CCNA2: variants seen among roughly 807,000 people sequenced by gnomAD.
CCNA2 encodes the protein cyclin-A2.
In CCNA2, 3 loss-of-function variants were observed where a neutral mutation model predicts 49.4. The observed-to-expected ratio is 0.06, with a 90% CI of 0.03 to 0.16. The LOEUF (loss-of-function observed/expected upper bound fraction) is 0.16, where lower values mean the gene tolerates loss of function less well. CCNA2 is among the 10% of genes least tolerant of loss of function. The probability of loss-of-function intolerance (pLI) is 1.00; values close to 1 mark genes in which losing one functional copy is unlikely to be tolerated. For synonymous variants in CCNA2, 206 were observed against 197.2 expected (o/e 1.04, Z -0.37); for missense variants, 372 against 519.7 (o/e 0.72, Z 2.76).
chr4:121,821,096 G>A lies in CCNA2; in HGVS notation c.458-5C>T, dbSNP rs762548324. On this transcript the variant is annotated splice_region_variant and splice_polypyrimidine_tract_variant and intron_variant, in intron 2 of 7. Transcript: ENST00000274026. ...TGTCCATAGTATGTGGTGACTCTGG[G>A]ACAATTCAAAAGATATGATTAAATT... The A allele has an allele frequency of 6.2e-7, 1 of 1,606,780 alleles. No homozygotes were observed. The highest frequency in any genetic ancestry group is 8.5e-7 in the Non-Finnish European group (1 of 1,177,210).
In CCNA2 at chr4:121,817,641, C is replaced by A; in HGVS notation, c.1296G>T (p.Leu432=). The A allele has an allele frequency of 6.2e-7, 1 of 1,613,500 alleles. No individual in the cohort carries two copies. Among genetic ancestry groups the A allele is most frequent in the South Asian group, 1.1e-5 (1 of 91,052 alleles). ...SLLNPPETLN[L] ...AAACAAAGGCAGTCTTTCATTGTTA[C>A]AGATTTAGTGTCTCTGGTGGGTTGA... Residue 432 remains leucine (L), a synonymous_variant, in exon 8 of 8, where the codon CTG becomes CTT. Coordinates refer to ENST00000274026, the MANE Select transcript of CCNA2 (RefSeq NM_001237.5).
At position 121,817,495 on chromosome 4, in the gene CCNA2, A is replaced by T. The variant is rs1724569502; in HGVS notation, c.*143T>A. The T allele has an allele frequency of 5.5e-6, 5 of 916,188 alleles. No homozygotes were observed. The South Asian group carries it at 9.7e-5, about 18-fold the overall frequency. 56.8% of individuals were successfully genotyped at this position (916,188 alleles called of 1,614,324 possible). A position where few individuals can be genotyped will look rare whatever the true frequency, so the allele number is the denominator to read the frequency against. Reference sequence around the variant, plus strand: ...AAAGATATACAAATTAAAACCATTTAAAAAGTAATAGATACCATAATTTGT... The same window carrying T: ...AAAGATATACAAATTAAAACCATTTTAAAAGTAATAGATACCATAATTTGT... On this transcript the variant is annotated 3_prime_UTR_variant, in exon 8 of 8. Coordinates refer to ENST00000274026, the MANE Select transcript of CCNA2 (RefSeq NM_001237.5).
Position 121,816,663 on chromosome 4 carries a change from C to A in CCNA2, c.*975G>T. The A allele has an allele frequency of 8.8e-7, 1 of 1,136,994 alleles. No homozygotes were observed. The highest frequency in any genetic ancestry group is 1.2e-6 in the Non-Finnish European group (1 of 825,400). 70.4% of individuals were successfully genotyped at this position (1,136,994 alleles called of 1,614,324 possible). A position where few individuals can be genotyped will look rare whatever the true frequency, so the allele number is the denominator to read the frequency against. On this transcript the variant is annotated 3_prime_UTR_variant, in exon 8 of 8. Transcript: ENST00000274026. ...AAACTTCTTGGATGCCAGTCTTACTCATAGCTGACACATTTTAGATCCTAC... is the reference window on the plus strand; with the variant it reads ...AAACTTCTTGGATGCCAGTCTTACTAATAGCTGACACATTTTAGATCCTAC...
intron 2 of CCNA2, among the ~76,000 whole-genome samples, chr4:121,822,090 A>T (rs1724703847): frequency 6.6e-6 from 1 of 152,226 alleles, no homozygotes; most frequent in Non-Finnish European, 1.5e-5. Flanking sequence ...AATAAAACTG[A>T]AATCTATTCT....
chr4:121,817,679 CATG>C lies in CCNA2; in HGVS notation c.1255_1257del (p.His419del), dbSNP rs1250836295. The stretch of plus-strand genomic sequence containing the variant: ...TCTGGTGGGTTGAGGAGAGAAACAC[CATG>C]ATACCTGTAAGTAGGGAAAAAAAAA... On this transcript the variant is annotated inframe_deletion, in exon 8 of 8. Coordinates refer to ENST00000274026, the MANE Select transcript of CCNA2 (RefSeq NM_001237.5). 1 of 1,613,410 alleles carries C rather than the reference CATG, an allele frequency of 6.2e-7. No individual in the cohort carries two copies. Among genetic ancestry groups the C allele is most frequent in the Non-Finnish European group, 8.5e-7 (1 of 1,179,820 alleles).
chr4:121,818,891 A>G lies in CCNA2; in HGVS notation c.1025T>C (p.Ile342Thr), dbSNP rs376488849. 1.4e-5 allele frequency: 22 copies of G among 1,610,846 alleles called. No individual in the cohort carries two copies. The highest frequency in any genetic ancestry group is 1.1e-5 in the South Asian group (1 of 91,030). Residue 342 changes from isoleucine (I) to threonine (T), a missense_variant, in exon 6 of 8, where the codon ATA becomes ACA. By Grantham distance (89) the Ile-to-Thr change is moderately conservative. This residue lies in a region of CCNA2 where 155 missense variants were observed against 288.1 expected (regional missense o/e 0.54). Transcript: ENST00000274026. ...LAMFLGELSL[I>T]DADPYLKYLP... Reference sequence around the variant, plus strand: ...ATACTTGAGGTATGGGTCAGCATCTATCAAACTTAATTCTCCCAAAAACTG... The same window carrying G: ...ATACTTGAGGTATGGGTCAGCATCTGTCAAACTTAATTCTCCCAAAAACTG...
chr4:121,817,787 T>C, intron 7 of CCNA2, 101 bp from the exon 8 acceptor site: 1 of 1,500,218 alleles, frequency 6.7e-7, no homozygotes, highest in African/African-American at 1.4e-5. Flanking sequence ...TAAAAAATGC[T>C]ATTTCTGTCT....
At position 121,816,946 on chromosome 4, in the gene CCNA2, A is replaced by G; in HGVS notation, c.*692T>C. The G allele has an allele frequency of 8.1e-7, 1 of 1,231,872 alleles. No individual in the cohort carries two copies. Among genetic ancestry groups the G allele is most frequent in the Non-Finnish European group, 1.1e-6 (1 of 922,264 alleles). 76.3% of individuals were successfully genotyped at this position (1,231,872 alleles called of 1,614,324 possible). ...CTGGGTATTTTTTATTCACAAATCC[A>G]TTATAAAATCTAGCAGGATTTTAAA... On this transcript the variant is annotated 3_prime_UTR_variant, in exon 8 of 8. Coordinates refer to ENST00000274026, the MANE Select transcript of CCNA2 (RefSeq NM_001237.5).
chr4:121,817,822 ACT>A (rs1366370842), intron 7 of CCNA2, 136 bp from the exon 8 acceptor site: 4 of 1,280,398 alleles, frequency 3.1e-6, no homozygotes, highest in South Asian at 1.4e-5. Flanking sequence ...TTTTAGAAAC[ACT>A]GTCTGGTCCC....
At chr4:121,818,202 C>T (rs1043374959) in intron 6 of CCNA2, 25 bp from the exon 7 acceptor site, 1 of 1,598,500 alleles carries the variant, frequency 6.3e-7, no homozygotes, top group African/African-American at 1.4e-5. Flanking sequence ...ATAGAGAACC[C>T]CTGAGTTTTG....
In CCNA2 at chr4:121,816,471, A is replaced by G; in HGVS notation, c.*1167T>C. On this transcript the variant is annotated 3_prime_UTR_variant, in exon 8 of 8. Transcript: ENST00000274026. ...AGGTAACAAATTTCTGGTTTATTTC[A>G]AATGTATACATATACTCAACACTTA... 7.1e-7 allele frequency: 1 copy of G among 1,399,712 alleles called. No individual in the cohort carries two copies. Among genetic ancestry groups the G allele is most frequent in the Non-Finnish European group, 9.9e-7 (1 of 1,011,060 alleles). The allele number at this position is 1,399,712 out of a possible 1,614,324, so 86.7% of individuals were successfully genotyped here.
At chr4:121,817,804 CT>C in intron 7 of CCNA2, 118 bp from the exon 8 acceptor site, 1 of 1,399,880 alleles carries the variant, frequency 7.1e-7, no homozygotes, top group Non-Finnish European at 9.8e-7. Context: ...GTCTGACCGA[CT>C]TGATGGTTTT....
In CCNA2 at chr4:121,817,317, C is replaced by G. The variant is rs1166011641; in HGVS notation, c.*321G>C. ...TTTCACTTCCCATTATATAGTAAACCAAGTAAACTTCTTTACTAAGCAAAA... is the reference window on the plus strand; with the variant it reads ...TTTCACTTCCCATTATATAGTAAACGAAGTAAACTTCTTTACTAAGCAAAA... On this transcript the variant is annotated 3_prime_UTR_variant, in exon 8 of 8. Transcript: ENST00000274026. The G allele has an allele frequency of 3.4e-5, 9 of 262,904 alleles. No individual in the cohort carries two copies. Among genetic ancestry groups the G allele is most frequent in the Non-Finnish European group, 6.5e-5 (9 of 139,490 alleles). The allele number at this position is 262,904 out of a possible 1,614,324, so 16.3% of individuals were successfully genotyped here. A position where few individuals can be genotyped will look rare whatever the true frequency, so the allele number is the denominator to read the frequency against.
chr4:121,817,567 C>T lies in CCNA2; in HGVS notation c.*71G>A. 1.3e-6 allele frequency: 2 copies of T among 1,568,388 alleles called. No individual in the cohort carries two copies. The highest frequency in any genetic ancestry group is 1.7e-6 in the Non-Finnish European group (2 of 1,153,424). ...TCAGAAATGATTGTAAAATTAAAACCTAAGTTAAAAACTGTACACCATATA... is the reference window on the plus strand; with the variant it reads ...TCAGAAATGATTGTAAAATTAAAACTTAAGTTAAAAACTGTACACCATATA... On this transcript the variant is annotated 3_prime_UTR_variant, in exon 8 of 8. Transcript: ENST00000274026.
At position 121,823,767 on chromosome 4, in the gene CCNA2, C is replaced by T; in HGVS notation, c.-139G>A. ...CAGCCCAGGCCAGCCTACCAGCCCG[C>T]CCGCTCGCTCACCCAGCTCGAGACC... On this transcript the variant is annotated 5_prime_UTR_variant, in exon 1 of 8. Coordinates refer to ENST00000274026, the MANE Select transcript of CCNA2 (RefSeq NM_001237.5). 7.1e-7 allele frequency: 1 copy of T among 1,416,330 alleles called. No individual in the cohort carries two copies. The highest frequency in any genetic ancestry group is 9.2e-7 in the Non-Finnish European group (1 of 1,082,842). 87.7% of individuals were successfully genotyped at this position (1,416,330 alleles called of 1,614,324 possible). A position where few individuals can be genotyped will look rare whatever the true frequency, so the allele number is the denominator to read the frequency against.
At chr4:121,817,781 A>AAAT (rs1369729880) in intron 7 of CCNA2, 95 bp from the exon 8 acceptor site, 4 of 1,539,572 alleles carry the variant, frequency 2.6e-6, no homozygotes, top group Non-Finnish European at 3.6e-6. Flanking sequence ...GGGAACTAAA[A>AAAT]AATGCTATTT....
intron 4 of CCNA2, among the ~76,000 whole-genome samples, chr4:121,819,917 T>C (rs918175759): frequency 6.6e-6 from 1 of 151,884 alleles, no homozygotes; most frequent in African/African-American, 2.4e-5. Flanking sequence ...CATGTTTTCA[T>C]TTTTAAATTT....
At position 121,822,631 on chromosome 4, in the gene CCNA2, C is replaced by A. The variant is rs748868039; in HGVS notation, c.229G>T (p.Asp77Tyr). Residue 77 changes from aspartate to tyrosine, a missense_variant, in exon 2 of 8, where the codon GAT (aspartate) becomes TAT (tyrosine). By Grantham distance (160) the Asp-to-Tyr change is radical (BLOSUM62 -3). Transcript: ENST00000274026. The part of the protein sequence containing the change: ...PKTRRVAPLK[D>Y]LPVNDEHVTV... Reference sequence around the variant, plus strand: ...ACATGCTCATCATTTACAGGAAGATCCTTAAGGGGTGCAACCTAAAAAAAA... The same window carrying A: ...ACATGCTCATCATTTACAGGAAGATACTTAAGGGGTGCAACCTAAAAAAAA... 1 of 1,613,450 alleles carries A rather than the reference C, an allele frequency of 6.2e-7. No homozygotes were observed. The highest frequency in any genetic ancestry group is 2.2e-5 in the East Asian group (1 of 44,856).
At chr4:121,821,955 G>C (rs1022351169) in intron 2 of CCNA2, among the ~76,000 whole-genome samples, 1 of 152,046 alleles carries the variant, frequency 6.6e-6, no homozygotes. Context: ...GTCACTTTCT[G>C]GTATCAGATG....
Sources: allele counts gnomAD v4.1 joint callset (sites outside exome capture counted in the v4.1 genomes callset), GRCh38; gene constraint gnomAD v4.1.1; regional missense constraint gnomAD v4.1.1; transcripts MANE v1.5; gene names NCBI Gene and HGNC (gene_info 2026-07-23, HGNC 2026-07-21).